The following LARGE1 variants were observed in gnomAD, a reference collection of about 807,000 sequenced individuals.
LARGE1 encodes xylosyl- and glucuronyltransferase LARGE1.
Under a neutral mutation model 87.6 loss-of-function variants are expected in LARGE1, and 43 were observed. The ratio of observed to expected loss-of-function variants is 0.49; its 90% confidence interval spans 0.38 to 0.63. The LOEUF (loss-of-function observed/expected upper bound fraction) is 0.63, where lower values mean the gene tolerates loss of function less well. Ranked by LOEUF, LARGE1 falls within the 30% of genes least tolerant of loss-of-function variation. The pLI is 0.00. For synonymous variants in LARGE1, 434 were observed against 394.6 expected (o/e 1.10, Z -1.18); for missense variants, 802 against 1,000.2 (o/e 0.80, Z 2.67).
chr22:33,527,599 T>C (rs1050171369), intron 6 of LARGE1, among the ~76,000 whole-genome samples: 1 of 152,092 alleles, frequency 6.6e-6, no homozygotes, highest in African/African-American at 2.4e-5. Context: ...CCTGCATCGG[T>C]GTGACACCCA....
chr22:33,109,599 G>A, the LARGE1 span, among the ~76,000 whole-genome samples: 1 of 152,130 alleles, frequency 6.6e-6, no homozygotes, highest in South Asian at 2.1e-4. Context: ...ATTAATTAAT[G>A]GATTTTATCA....
chr22:33,382,630 T>C (rs1162822772), intron 8 of LARGE1, among the ~76,000 whole-genome samples: 1 of 152,176 alleles, frequency 6.6e-6, no homozygotes, highest in Non-Finnish European at 1.5e-5. Context: ...TTTACCTTTT[T>C]TGGGCTCTTC....
intron 6 of LARGE1, among the ~76,000 whole-genome samples, chr22:33,512,203 A>G (rs1395124841): frequency 6.6e-6 from 1 of 152,190 alleles, no homozygotes; most frequent in Non-Finnish European, 1.5e-5. Context: ...TTGACCCAGG[A>G]ATCATACTAT....
chr22:33,897,078 A>G (rs1356152123), intron 1 of LARGE1, among the ~76,000 whole-genome samples: 1 of 152,144 alleles, frequency 6.6e-6, no homozygotes, highest in Non-Finnish European at 1.5e-5. Flanking sequence ...TTTTGCAGGA[A>G]GGAGGCCAGT....
chr22:33,131,468 A>G, the LARGE1 span, among the ~76,000 whole-genome samples: 1 of 152,134 alleles, frequency 6.6e-6, no homozygotes, highest in Non-Finnish European at 1.5e-5. Context: ...GCTAATAGAG[A>G]CATACCCGAG....
intron 12 of LARGE1, among the ~76,000 whole-genome samples, chr22:33,286,534 A>C (rs1931568703): frequency 6.6e-6 from 1 of 152,162 alleles, no homozygotes; most frequent in Non-Finnish European, 1.5e-5. Context: ...TGAAAAGAAC[A>C]AGCAAAGTCT....
chr22:33,080,507 T>C, the LARGE1 span, among the ~76,000 whole-genome samples: 3 of 152,204 alleles, frequency 2.0e-5, no homozygotes, highest in Non-Finnish European at 4.4e-5. Context: ...CATTAGCTCT[T>C]AAAAGTTTCC....
intron 10 of LARGE1, 134 bp downstream of exon 10, chr22:33,337,512 G>C (rs1296013147): frequency 2.0e-6 from 2 of 1,001,034 alleles, no homozygotes; most frequent in African/African-American, 3.2e-5. Context: ...CTAGATGGTG[G>C]ACCCTGGGCA....
At chr22:33,242,903 C>T (rs1297857329) in intron 11 of LARGE1, among the ~76,000 whole-genome samples, 1 of 152,168 alleles carries the variant, frequency 6.6e-6, no homozygotes, top group Admixed American at 6.5e-5. Context: ...GACATTTTTG[C>T]CTAGTACAAG....
chr22:33,777,959 G>T (rs549156385), intron 1 of LARGE1, among the ~76,000 whole-genome samples: 1 of 152,322 alleles, frequency 6.6e-6, no homozygotes, highest in South Asian at 2.1e-4. Flanking sequence ...AGCTGCAGGG[G>T]ATAAACCATG....
chr22:33,126,447 C>G, the LARGE1 span, among the ~76,000 whole-genome samples: 1 of 152,118 alleles, frequency 6.6e-6, no homozygotes, highest in Non-Finnish European at 1.5e-5. Flanking sequence ...ATGTTGCATT[C>G]AAAAATTTTG....
chr22:33,074,034 C>G, the LARGE1 span, among the ~76,000 whole-genome samples: 1 of 152,174 alleles, frequency 6.6e-6, no homozygotes, highest in African/African-American at 2.4e-5. Flanking sequence ...ATTGTCTGCT[C>G]ATTCTGGTGA....
chr22:33,860,369 A>G (rs1026557031), intron 1 of LARGE1, among the ~76,000 whole-genome samples: 1 of 152,166 alleles, frequency 6.6e-6, no homozygotes, highest in Admixed American at 6.5e-5. Flanking sequence ...AATAATGTAC[A>G]CAGTCTAACC....
At chr22:33,694,862 C>T (rs575987941) in intron 2 of LARGE1, among the ~76,000 whole-genome samples, 1 of 152,102 alleles carries the variant, frequency 6.6e-6, no homozygotes, top group Non-Finnish European at 1.5e-5. Context: ...ACTTTGGGGG[C>T]ATGAGCAAGG....
At chr22:33,104,418 G>C in the LARGE1 span, among the ~76,000 whole-genome samples, 1 of 152,216 alleles carries the variant, frequency 6.6e-6, no homozygotes, top group Non-Finnish European at 1.5e-5. Context: ...TGCACTGATG[G>C]TAAATGCTGA....
At chr22:33,381,778 G>A (rs1230099038) in intron 9 of LARGE1, 141 bp downstream of exon 9, 1 of 1,170,574 alleles carries the variant, frequency 8.5e-7, no homozygotes, top group Non-Finnish European at 1.3e-6. Context: ...CCACAAAGAT[G>A]AAAAGCATAC....
intron 5 of LARGE1, among the ~76,000 whole-genome samples, chr22:33,590,966 G>A (rs1190972579): frequency 6.6e-6 from 1 of 152,208 alleles, no homozygotes; most frequent in Non-Finnish European, 1.5e-5. Flanking sequence ...ACTTTGGGAG[G>A]CTGAGGCGGG....
At chr22:33,575,771 AGAAGTGAACCAAGGG>A (rs2078334260) in intron 5 of LARGE1, among the ~76,000 whole-genome samples, 1 of 152,326 alleles carries the variant, frequency 6.6e-6, no homozygotes, top group South Asian at 2.1e-4. Flanking sequence ...ATGACAAAGG[AGAAGTGAACCAAGGG>A]GAATGTGATC....
intron 1 of LARGE1, among the ~76,000 whole-genome samples, chr22:33,837,542 A>T (rs2063146560): frequency 6.6e-6 from 1 of 152,186 alleles, no homozygotes; most frequent in African/African-American, 2.4e-5. Context: ...GAAAACAGAG[A>T]AAAAGCAAGC....
Sources: allele counts gnomAD v4.1 joint callset (sites outside exome capture counted in the v4.1 genomes callset), GRCh38; gene constraint gnomAD v4.1.1; transcripts MANE v1.5; gene names NCBI Gene and HGNC (gene_info 2026-07-23, HGNC 2026-07-21).